The following SLC9D1 variants were observed in gnomAD, a reference collection of about 807,000 sequenced individuals.
SLC9D1 encodes the protein putative LAG1-interacting protein.
At chr13:113,520,819 T>C in the SLC9D1 span, 9 of 1,002,150 alleles carry the variant, frequency 9.0e-6, no homozygotes, top group Non-Finnish European at 9.2e-6. Flanking sequence ...TCCAAAGAGA[T>C]GTTCTGAGCT....
chr13:113,498,858 A>ACAGGTCCTAATC, the SLC9D1 span, among the ~76,000 whole-genome samples: 1 of 151,406 alleles, frequency 6.6e-6, no homozygotes, highest in African/African-American at 2.5e-5. Flanking sequence ...GTTACCAGAA[A>ACAGGTCCTAATC]CAGGTCCTAA....
the SLC9D1 span, chr13:113,528,036 CTATTTTT>C: frequency 2.6e-5 from 4 of 152,166 alleles, no homozygotes; most frequent in African/African-American, 9.7e-5. Flanking sequence ...CTGAGATTTT[CTATTTTT>C]TATTTGTTTA....
At chr13:113,502,680 T>C in the SLC9D1 span, among the ~76,000 whole-genome samples, 15 of 152,144 alleles carry the variant, frequency 9.9e-5, no homozygotes, top group Non-Finnish European at 1.9e-4. Flanking sequence ...ACACTCACGG[T>C]GCGAGCAGCG....
chr13:113,539,347 CCT>C, the SLC9D1 span: 1 of 1,610,884 alleles, frequency 6.2e-7, no homozygotes, highest in Non-Finnish European at 8.5e-7. This position sits in a 1 kb window ranked among gnomAD's most constrained non-coding sequence, Gnocchi z 4.8. Context: ...CTGCGTCCTG[CCT>C]CTCTCAGGTC....
At chr13:113,514,713 CG>C in the SLC9D1 span, among the ~76,000 whole-genome samples, 1 of 151,840 alleles carries the variant, frequency 6.6e-6, no homozygotes, top group African/African-American at 2.4e-5. Flanking sequence ...GCCATCCACA[CG>C]AGCTTGCTGC....
chr13:113,494,878 C>G, the SLC9D1 span, among the ~76,000 whole-genome samples: 347 of 147,232 alleles, frequency 2.4e-3, 1 homozygote, highest in African/African-American at 8.9e-3. Context: ...ATAACATGGA[C>G]TTTCTGTTTT....
At chr13:113,533,559 CAG>C in the SLC9D1 span, among the ~76,000 whole-genome samples, 9 of 152,190 alleles carry the variant, frequency 5.9e-5, no homozygotes, top group Non-Finnish European at 1.3e-4. Context: ...ATATTCTAAA[CAG>C]AACATAGCAA....
chr13:113,549,611 C>T, the SLC9D1 span: 2 of 1,600,122 alleles, frequency 1.2e-6, no homozygotes, highest in Non-Finnish European at 1.7e-6. Context: ...AGCAGCTGCT[C>T]CTTCTGGGAA....
At chr13:113,531,491 G>A in the SLC9D1 span, among the ~76,000 whole-genome samples, 3 of 145,378 alleles carry the variant, frequency 2.1e-5, no homozygotes, top group South Asian at 2.2e-4. Context: ...AGAGCAGCAT[G>A]CGTGTGGACC....
the SLC9D1 span, among the ~76,000 whole-genome samples, chr13:113,500,322 T>C: frequency 6.6e-6 from 1 of 152,256 alleles, no homozygotes; most frequent in South Asian, 2.1e-4. Flanking sequence ...CTAATCTTTT[T>C]TTCTAAAGGA....
At chr13:113,533,083 G>A in the SLC9D1 span, among the ~76,000 whole-genome samples, 1 of 64,336 alleles carries the variant, frequency 1.6e-5, no homozygotes, top group Admixed American at 1.5e-4. Context: ...GCCCTGCAGC[G>A]AGCTCTGAAG....
At chr13:113,520,869 A>G in the SLC9D1 span, 1 of 678,048 alleles carries the variant, frequency 1.5e-6, no homozygotes, top group Non-Finnish European at 2.6e-6. Context: ...CTGGAGCAAC[A>G]CTGCCTTGCT....
the SLC9D1 span, among the ~76,000 whole-genome samples, chr13:113,515,908 A>G: frequency 3.3e-5 from 5 of 151,810 alleles, no homozygotes; most frequent in Admixed American, 6.6e-5. Flanking sequence ...AAAAAAAAAA[A>G]AAAAAAGAAA....
At chr13:113,496,135 G>C in the SLC9D1 span, 1 of 794,460 alleles carries the variant, frequency 1.3e-6, no homozygotes, top group East Asian at 2.7e-5. Flanking sequence ...CACGGAGCTG[G>C]GGAGCAGACA....
chr13:113,543,163 T>TCCTCCCCCTGCCCCTCGCCCTCC, the SLC9D1 span, among the ~76,000 whole-genome samples: 113 of 44,232 alleles, frequency 2.6e-3, 5 homozygotes, highest in Admixed American at 8.4e-3. Context: ...CCGCCCTACC[T>TCCTCCCCCTGCCCCTCGCCCTCC]CTGTCCGGAC....
chr13:113,532,279 G>A, the SLC9D1 span, among the ~76,000 whole-genome samples: 1 of 152,210 alleles, frequency 6.6e-6, no homozygotes, highest in Non-Finnish European at 1.5e-5. Context: ...ACAGGAAGAG[G>A]AGCTGGTGAG....
the SLC9D1 span, chr13:113,495,900 GA>G: frequency 1.9e-6 from 3 of 1,614,194 alleles, no homozygotes; most frequent in Non-Finnish European, 2.5e-6. Flanking sequence ...GAATGAAAGT[GA>G]AAATTCCGTT....
the SLC9D1 span, among the ~76,000 whole-genome samples, chr13:113,535,870 C>T: frequency 2.6e-5 from 4 of 151,110 alleles, no homozygotes; most frequent in African/African-American, 4.9e-5. This position sits in a 1 kb window ranked among gnomAD's most constrained non-coding sequence, Gnocchi z 4.1. Context: ...GGATGGCATT[C>T]GCTGTGTTTG....
At chr13:113,549,960 A>G in the SLC9D1 span, 1 of 379,832 alleles carries the variant, frequency 2.6e-6, no homozygotes, top group Non-Finnish European at 4.7e-6. Flanking sequence ...TTGTTATTAA[A>G]CATTTCTGTA....
Sources: gnomAD v4.1 joint callset for allele counts (sites outside exome capture counted in the v4.1 genomes callset) on GRCh38, gnomAD v4.1.1 for gene constraint, Gnocchi (gnomAD v3.1) non-coding constraint, MANE v1.5 for transcripts, NCBI Gene and HGNC (gene_info 2026-07-23, HGNC 2026-07-21) for gene names.